The following INPP1 variants were observed in gnomAD, a reference collection of about 807,000 sequenced individuals.
INPP1 encodes the protein inositol polyphosphate 1-phosphatase.
INPP1 carries 18 observed loss-of-function variants against 23.0 expected under a neutral mutation model. That is an observed-to-expected ratio of 0.78 (90% CI 0.54 to 1.16). INPP1 has a LOEUF of 1.16. Ranked by LOEUF, INPP1 falls within the 50% of genes most tolerant of loss-of-function variation. The pLI, the probability that INPP1 is intolerant of heterozygous loss-of-function variation, is 0.00. For missense variants in INPP1, 448 were observed against 482.1 expected (o/e 0.93, Z 0.66); for synonymous variants, 164 against 176.3 (o/e 0.93, Z 0.55).
Position 190,366,716 on chromosome 2 carries a change from T to A in INPP1, c.287T>A (p.Leu96Ter). ...CTAGGGGAAAAGATTACCTTGAGGT[T>A]GTGTTCAACAGAGGAGGAAACAGCA... ...NDWGEKITLR[L>*]CSTEEETAEL... The change falls in exon 5 of 7, where the codon TTG (leucine) becomes TAG (stop). Residue 96 changes from leucine (L) to a stop codon, truncating the protein, a stop_gained. Transcript: ENST00000392329. LOFTEE classifies it high-confidence loss of function. 1 of 1,612,940 alleles carries A rather than the reference T, an allele frequency of 6.2e-7. No individual in the cohort carries two copies. The highest frequency in any genetic ancestry group is 8.5e-7 in the Non-Finnish European group (1 of 1,178,916).
intron 3 of INPP1, among the ~76,000 whole-genome samples, chr2:190,362,011 A>T (rs1350348709): frequency 1.3e-5 from 2 of 152,214 alleles, no homozygotes; most frequent in Non-Finnish European, 2.9e-5. Flanking sequence ...TCATACAGAG[A>T]TGACAGAAGA....
chr2:190,354,712 C>CA lies in INPP1; in HGVS notation c.-64-5326dup, dbSNP rs991045865. Among the ~76,000 whole-genome samples, 4 of 152,202 alleles carry CA rather than the reference C, an allele frequency of 2.6e-5. No individual in the cohort carries two copies. The highest frequency in any genetic ancestry group is 9.7e-5 in the African/African-American group (4 of 41,448). ...AAGCTACCCAGTCTTAACAAACTAACACCAGAAGAATTAGGTATTGGGCAT... is the reference window on the plus strand; with the variant it reads ...AAGCTACCCAGTCTTAACAAACTAACAACCAGAAGAATTAGGTATTGGGCAT... On this transcript the variant is annotated intron_variant, in intron 2 of 6. Transcript: ENST00000392329. The surrounding 1 kb of genome is among the most constrained non-coding windows in gnomAD (Gnocchi z 4.8).
chr2:190,348,543 C>T (rs986725308), intron 1 of INPP1, among the ~76,000 whole-genome samples: 3 of 152,194 alleles, frequency 2.0e-5, no homozygotes, highest in Non-Finnish European at 2.9e-5. Context: ...TAAACAATGA[C>T]TCTACCCTCT....
rs1342271065 is a variant in INPP1 at position 190,354,415 on chromosome 2, G to A, written c.-65+5384G>A. 1.3e-5 allele frequency among the ~76,000 whole-genome samples: 2 copies of A among 152,184 alleles called. No individual in the cohort carries two copies. Among genetic ancestry groups the A allele is most frequent in the Non-Finnish European group, 2.9e-5 (2 of 68,034 alleles). ...TCACATGTTGAAGCCCCAACCCCCA[G>A]TACCTCAGAATGGGACTGTACTTGC... On this transcript the variant is annotated intron_variant, in intron 2 of 6. Transcript: ENST00000392329. The surrounding 1 kb of genome is among the most constrained non-coding windows in gnomAD (Gnocchi z 4.8).
intron 1 of INPP1, 146 bp from the exon 2 acceptor site, chr2:190,348,742 A>G (rs1389722294): frequency 6.6e-6 from 1 of 152,254 alleles, no homozygotes; most frequent in Non-Finnish European, 1.5e-5. Flanking sequence ...AGGCTGAATA[A>G]TATTTCCCAA....
Position 190,368,897 on chromosome 2 carries a change from C to T in INPP1, c.467-206C>T, listed in dbSNP as rs1575793557. 1 of 386,598 alleles carries T rather than the reference C, an allele frequency of 2.6e-6. No individual in the cohort carries two copies. Among genetic ancestry groups the T allele is most frequent in the East Asian group, 3.8e-5 (1 of 26,274 alleles). The allele number at this position is 386,598 out of a possible 1,614,324, so 23.9% of individuals were successfully genotyped here. ...GCCACAGGAACTATAGACACATCCT[C>T]TCCCTTCAAGAGTTCTCACAGTCAG... On this transcript the variant is annotated intron_variant, in intron 5 of 6. Transcript: ENST00000392329. The surrounding 1 kb of genome is among the most constrained non-coding windows in gnomAD (Gnocchi z 4.3).
chr2:190,350,435 T>G (rs1002914153), intron 2 of INPP1, among the ~76,000 whole-genome samples: 3 of 152,228 alleles, frequency 2.0e-5, no homozygotes, highest in African/African-American at 7.2e-5. Context: ...GACATTCCCC[T>G]TTCTAAAAGT....
Position 190,356,496 on chromosome 2 carries a change from G to A in INPP1, c.-64-3543G>A, listed in dbSNP as rs1185618360. The A allele has an allele frequency of 6.6e-6, 1 of 152,098 alleles. No homozygotes were observed. Among genetic ancestry groups the A allele is most frequent in the Non-Finnish European group, 1.5e-5 (1 of 68,018 alleles). The allele number at this position is 152,098 out of a possible 1,614,324, so 9.4% of individuals were successfully genotyped here. ...GTCATTATTGAGGAAATAAAGGTTG[G>A]GCCCAAAGAGGACAAATTCCAGATT... On this transcript the variant is annotated intron_variant, in intron 2 of 6. Transcript: ENST00000392329. The surrounding 1 kb of genome is among the most constrained non-coding windows in gnomAD (Gnocchi z 6.4).
intron 4 of INPP1, among the ~76,000 whole-genome samples, chr2:190,366,310 T>G (rs1043727659): frequency 2.7e-5 from 4 of 147,652 alleles, no homozygotes; most frequent in African/African-American, 9.9e-5. Context: ...TCGCTCTGTC[T>G]CACTCTCTCT....
At position 190,366,911 on chromosome 2, in the gene INPP1, T is replaced by C; in HGVS notation, c.466+16T>C. ...GACCCCATAGGTAAGTATAGGAAAG[T>C]ATGTTTGTTCTTATTTGCAATCTTT... is the stretch of plus-strand genomic sequence containing the variant. On this transcript the variant is annotated intron_variant, in intron 5 of 6. Coordinates refer to ENST00000392329, the MANE Select transcript of INPP1 (RefSeq NM_001128928.2). The C allele has an allele frequency of 1.9e-6, 3 of 1,545,178 alleles. No individual in the cohort carries two copies. The highest frequency in any genetic ancestry group is 2.7e-6 in the Non-Finnish European group (3 of 1,117,860).
At chr2:190,351,346 T>A (rs1353848255) in intron 2 of INPP1, among the ~76,000 whole-genome samples, 1 of 152,186 alleles carries the variant, frequency 6.6e-6, no homozygotes, top group Non-Finnish European at 1.5e-5. Flanking sequence ...TTTTAGTGAA[T>A]TAGAAATATA....
rs988732466 is a variant in INPP1 at position 190,356,930 on chromosome 2, G to A, written c.-64-3109G>A. Reference sequence around the variant, plus strand: ...TACTTTTGTGGCCATGTATTATACTGAGATATGTATGCATATCTGTGATTG... The same window carrying A: ...TACTTTTGTGGCCATGTATTATACTAAGATATGTATGCATATCTGTGATTG... On this transcript the variant is annotated intron_variant, in intron 2 of 6. Coordinates refer to ENST00000392329, the MANE Select transcript of INPP1 (RefSeq NM_001128928.2). The surrounding 1 kb of genome is among the most constrained non-coding windows in gnomAD (Gnocchi z 6.4). 1 of 152,076 alleles carries A rather than the reference G, an allele frequency of 6.6e-6. No individual in the cohort carries two copies. The highest frequency in any genetic ancestry group is 1.5e-5 in the Non-Finnish European group (1 of 68,012). 9.4% of individuals were successfully genotyped at this position (152,076 alleles called of 1,614,324 possible).
Position 190,371,274 on chromosome 2 carries a change from G to C in INPP1, c.1072G>C (p.Glu358Gln). ...LPQLVYHVEN[E>Q]GAAGVDRWAN... ...ACAGTTGGTGTACCACGTGGAAAAT[G>C]AGGGTGCTGCTGGGGTGGATCGGTG... is the stretch of plus-strand genomic sequence containing the variant. Residue 358 changes from glutamate (E) to glutamine (Q), a missense_variant, in exon 7 of 7, where the codon GAG (glutamate) becomes CAG (glutamine). Glu to Gln is a conservative substitution (Grantham distance 29). Coordinates refer to ENST00000392329, the MANE Select transcript of INPP1 (RefSeq NM_001128928.2). The surrounding 1 kb of genome is among the most constrained non-coding windows in gnomAD (Gnocchi z 5.3). 1.2e-6 allele frequency: 2 copies of C among 1,612,262 alleles called. No individual in the cohort carries two copies. The highest frequency in any genetic ancestry group is 1.7e-6 in the Non-Finnish European group (2 of 1,178,790).
At chr2:190,360,877 A>G (rs1305002985) in intron 3 of INPP1, among the ~76,000 whole-genome samples, 1 of 152,146 alleles carries the variant, frequency 6.6e-6, no homozygotes, top group Non-Finnish European at 1.5e-5. Flanking sequence ...CTGGAGACTT[A>G]AAGTCTCCTT....
At position 190,354,925 on chromosome 2, in the gene INPP1, G is replaced by GGGGT. The variant is rs147784074; in HGVS notation, c.-64-5113_-64-5112insGGTG. Among the ~76,000 whole-genome samples the GGGGT allele has an allele frequency of 3.4e-5, 5 of 146,564 alleles. No homozygotes were observed. The highest frequency in any genetic ancestry group is 2.2e-4 in the South Asian group (1 of 4,632). On this transcript the variant is annotated intron_variant, in intron 2 of 6. Transcript: ENST00000392329. The surrounding 1 kb of genome is among the most constrained non-coding windows in gnomAD (Gnocchi z 4.8). ...AACCTAGTGACAGATATCAACTAGG[G>GGGGT]GTGTGTGTGTGTGTGTGTGTGCATT...
Position 190,366,896 on chromosome 2 carries a change from G to T in INPP1, c.466+1G>T. ...TTGGGAATTTGGGTGGACCCCATAG[G>T]TAAGTATAGGAAAGTATGTTTGTTC... On this transcript the variant is annotated splice_donor_variant, in intron 5 of 6. Transcript: ENST00000392329. LOFTEE classifies it high-confidence loss of function. 6.3e-7 allele frequency: 1 copy of T among 1,586,956 alleles called. No individual in the cohort carries two copies. Among genetic ancestry groups the T allele is most frequent in the Non-Finnish European group, 8.7e-7 (1 of 1,155,146 alleles).
At chr2:190,365,959 TGCTCTCTCTCGCTCTCTCGCTCTGTCTC>T (rs1251176552) in intron 4 of INPP1, among the ~76,000 whole-genome samples, 1,480 of 114,052 alleles carry the variant, frequency 0.013, 35 homozygotes, top group African/African-American at 0.051. Context: ...CTCACTCTTT[TGCTCTCTCTCGCTCTCTCGCTCTGTCTC>T]GCTCTCTCTC....
In INPP1 at chr2:190,350,371, T is replaced by C. The variant is rs7597088; in HGVS notation, c.-65+1340T>C. On this transcript the variant is annotated intron_variant, in intron 2 of 6. Transcript: ENST00000392329. ...TCTGTTCTTAAGCAACCAGTGAGTG[T>C]AGAGCTGACTGTTGCACCTGTTGTT... 4.1e-3 allele frequency among the ~76,000 whole-genome samples: 627 copies of C among 152,370 alleles called. 3 individuals are homozygous for C. Among genetic ancestry groups the C allele is most frequent in the African/African-American group, 0.014 (586 of 41,588 alleles).
At position 190,352,890 on chromosome 2, in the gene INPP1, G is replaced by C. The variant is rs1015141830; in HGVS notation, c.-65+3859G>C. Among the ~76,000 whole-genome samples, 6 of 152,174 alleles carry C rather than the reference G, an allele frequency of 3.9e-5. No homozygotes were observed. Among genetic ancestry groups the C allele is most frequent in the Non-Finnish European group, 7.3e-5 (5 of 68,038 alleles). ...TTCCACTAGCAGCAATAGCTGTCAGGCAGGCCCACCACGCAATAGCTTCAA... is the reference window on the plus strand; with the variant it reads ...TTCCACTAGCAGCAATAGCTGTCAGCCAGGCCCACCACGCAATAGCTTCAA... On this transcript the variant is annotated intron_variant, in intron 2 of 6. Coordinates refer to ENST00000392329, the MANE Select transcript of INPP1 (RefSeq NM_001128928.2). The surrounding 1 kb of genome is among the most constrained non-coding windows in gnomAD (Gnocchi z 4.7).
Sources: allele counts gnomAD v4.1 joint callset (sites outside exome capture counted in the v4.1 genomes callset), GRCh38; gene constraint gnomAD v4.1.1; non-coding constraint Gnocchi (gnomAD v3.1); transcripts MANE v1.5; gene names NCBI Gene and HGNC (gene_info 2026-07-23, HGNC 2026-07-21).